CAMK4: variants seen among roughly 807,000 people sequenced by gnomAD.
The protein encoded by CAMK4 is calcium/calmodulin dependent protein kinase IV, also known as calcium/calmodulin-dependent protein kinase type IV.
CAMK4 carries 22 observed loss-of-function variants against 44.9 expected under a neutral mutation model. The observed-to-expected ratio is 0.49, with a 90% CI of 0.35 to 0.70. The LOEUF is 0.70. Among genes scored for constraint, CAMK4 ranks in the 30% least tolerant of loss-of-function variants. The pLI is 0.01. For missense variants in CAMK4, 498 were observed against 586.8 expected (o/e 0.85, Z 1.56); for synonymous variants, 218 against 215.4 (o/e 1.01, Z -0.11).
intron 2 of CAMK4, among the ~76,000 whole-genome samples, chr5:111,351,445 G>A (rs537436578): frequency 1.1e-3 from 168 of 147,178 alleles, no homozygotes; most frequent in Non-Finnish European, 1.9e-3. Flanking sequence ...CGCTTTTGTT[G>A]TACATGCTGG....
intron 5 of CAMK4, among the ~76,000 whole-genome samples, chr5:111,441,123 T>A (rs1215691264): frequency 1.3e-5 from 2 of 152,196 alleles, no homozygotes; most frequent in African/African-American, 4.8e-5. Context: ...GAAGTCTTTC[T>A]TTAATAATTG....
chr5:111,410,360 C>T (rs1003918852), intron 5 of CAMK4, among the ~76,000 whole-genome samples: 4 of 152,130 alleles, frequency 2.6e-5, no homozygotes. Flanking sequence ...TATTCGCTAC[C>T]ACGAGAACAG....
Position 111,494,274 on chromosome 5 carries a change from C to T in CAMK4, c.*9808C>T, listed in dbSNP as rs1344796864. The T allele has an allele frequency of 6.6e-6, 1 of 152,160 alleles. No individual in the cohort carries two copies. 9.4% of individuals were successfully genotyped at this position (152,160 alleles called of 1,614,324 possible). A position where few individuals can be genotyped will look rare whatever the true frequency, so the allele number is the denominator to read the frequency against. On this transcript the variant is annotated 3_prime_UTR_variant, in exon 11 of 11. Transcript: ENST00000282356. ...CCAAGATTATAGGCTACCTTCCCAA[C>T]TTCTAATTTGAAGAGCACTGAAAAT... is the stretch of plus-strand genomic sequence containing the variant.
intron 1 of CAMK4, among the ~76,000 whole-genome samples, chr5:111,318,158 A>T (rs762834394): frequency 1.7e-4 from 26 of 152,146 alleles, no homozygotes; most frequent in Non-Finnish European, 3.2e-4. Context: ...ATGCATTAGG[A>T]GGAAGTGTGT....
At chr5:111,441,185 TGATC>T (rs1185872440) in intron 5 of CAMK4, among the ~76,000 whole-genome samples, 11 of 152,180 alleles carry the variant, frequency 7.2e-5, no homozygotes, top group Non-Finnish European at 1.5e-4. Flanking sequence ...TGTCAACCCA[TGATC>T]AAGACTGAGG....
chr5:111,410,443 T>C (rs1177465912), intron 5 of CAMK4, among the ~76,000 whole-genome samples: 1 of 152,078 alleles, frequency 6.6e-6, no homozygotes, highest in Non-Finnish European at 1.5e-5. Flanking sequence ...TTATTACAGT[T>C]TAAGGTGAGA....
chr5:111,241,863 A>T (rs567511798), intron 1 of CAMK4, among the ~76,000 whole-genome samples: 1 of 152,336 alleles, frequency 6.6e-6, no homozygotes, highest in Admixed American at 6.5e-5. Flanking sequence ...AGCGGAGCAC[A>T]TTGGAGCTGA....
At position 111,338,905 on chromosome 5, in the gene CAMK4, G is replaced by A. The variant is rs569220658; in HGVS notation, c.162-5119G>A. ...TGAAGTCCAGTAATGTGATGCCTCC[G>A]GCTTTATTCTTTTTTGCTTTGGCTA... On this transcript the variant is annotated intron_variant, in intron 1 of 10. Coordinates refer to ENST00000282356, the MANE Select transcript of CAMK4 (RefSeq NM_001744.6). Among the ~76,000 whole-genome samples, 47 of 151,082 alleles carry A rather than the reference G, an allele frequency of 3.1e-4. 1 individual carries two copies. Among genetic ancestry groups the A allele is most frequent in the Admixed American group, 9.3e-4 (14 of 15,104 alleles).
chr5:111,434,025 G>A (rs538555265), intron 5 of CAMK4, among the ~76,000 whole-genome samples: 14 of 152,212 alleles, frequency 9.2e-5, no homozygotes, highest in East Asian at 1.9e-4. Flanking sequence ...GGCCTTGCGC[G>A]GTGGCTCATG....
chr5:111,337,207 A>G (rs532423937), intron 1 of CAMK4, among the ~76,000 whole-genome samples: 1 of 151,314 alleles, frequency 6.6e-6, no homozygotes, highest in East Asian at 2.0e-4. Context: ...ATTTCTAGGT[A>G]GAATTTCACC....
At chr5:111,317,498 A>G (rs1355395814) in intron 1 of CAMK4, among the ~76,000 whole-genome samples, 3 of 152,228 alleles carry the variant, frequency 2.0e-5, no homozygotes, top group Non-Finnish European at 4.4e-5. Flanking sequence ...TACAGCATTT[A>G]TTAAATAAAT....
chr5:111,225,581 G>A (rs911841639), intron 1 of CAMK4, among the ~76,000 whole-genome samples: 9 of 152,118 alleles, frequency 5.9e-5, no homozygotes, highest in Non-Finnish European at 1.3e-4. Flanking sequence ...CGGTTGACAA[G>A]TTGCAGCTTC....
intron 1 of CAMK4, among the ~76,000 whole-genome samples, chr5:111,286,062 A>G (rs950408940): frequency 6.6e-6 from 1 of 152,206 alleles, no homozygotes; most frequent in African/African-American, 2.4e-5. Flanking sequence ...GCAAAGTGGA[A>G]GTCATAGAGC....
At chr5:111,225,515 A>T (rs1005222453) in intron 1 of CAMK4, among the ~76,000 whole-genome samples, 4 of 152,116 alleles carry the variant, frequency 2.6e-5, no homozygotes, top group African/African-American at 9.7e-5. Context: ...TTTATTTTCA[A>T]CACTTATTTT....
chr5:111,302,079 T>C (rs1272665025), intron 1 of CAMK4: 1 of 152,204 alleles, frequency 6.6e-6, no homozygotes, highest in Non-Finnish European at 1.5e-5. Flanking sequence ...TCAGCTACCA[T>C]TGGCTTTGGA....
At chr5:111,346,334 A>T (rs1749861966) in intron 2 of CAMK4, among the ~76,000 whole-genome samples, 1 of 151,968 alleles carries the variant, frequency 6.6e-6, no homozygotes. Flanking sequence ...TGCCTTTATT[A>T]ATGCAATTTT....
chr5:111,276,746 T>C (rs1413814520), intron 1 of CAMK4, among the ~76,000 whole-genome samples: 1 of 152,186 alleles, frequency 6.6e-6, no homozygotes, highest in East Asian at 1.9e-4. Flanking sequence ...TACTCTGTCA[T>C]TTTGATCCCA....
chr5:111,371,559 C>T (rs1380535169), intron 2 of CAMK4, among the ~76,000 whole-genome samples: 1 of 152,100 alleles, frequency 6.6e-6, no homozygotes, highest in Non-Finnish European at 1.5e-5. Flanking sequence ...TAACATGGGG[C>T]TGAGTGCATA....
intron 1 of CAMK4, among the ~76,000 whole-genome samples, chr5:111,238,756 G>A (rs138551983): frequency 7.3e-6 from 1 of 136,184 alleles, no homozygotes; most frequent in Non-Finnish European, 1.5e-5. Flanking sequence ...AAGGAGTAAA[G>A]CTCCTTACTT....
Sources: gnomAD v4.1 joint callset for allele counts (sites outside exome capture counted in the v4.1 genomes callset) on GRCh38, gnomAD v4.1.1 for gene constraint, MANE v1.5 for transcripts, NCBI Gene and HGNC (gene_info 2026-07-23, HGNC 2026-07-21) for gene names.